The following CCDC171 variants were observed in gnomAD, a reference collection of about 807,000 sequenced individuals.
CCDC171 encodes the protein coiled-coil domain containing 171.
In CCDC171, 177 loss-of-function variants were observed where a neutral mutation model predicts 168.2. The ratio of observed to expected loss-of-function variants is 1.05; its 90% CI spans 0.93 to 1.19. CCDC171 has a LOEUF of 1.19. Ranked by LOEUF, CCDC171 falls within the 50% of genes most tolerant of loss-of-function variation. The pLI is 0.00. For missense variants in CCDC171, 1,991 were observed against 1,539.0 expected (o/e 1.29, Z -4.91); for synonymous variants, 687 against 540.8 (o/e 1.27, Z -3.75).
At chr9:15,587,575 C>T (rs1232691249) in intron 4 of CCDC171, 2 of 453,560 alleles carry the variant, frequency 4.4e-6, no homozygotes, top group Non-Finnish European at 8.9e-6. Context: ...AATACAAAGC[C>T]AGGAGGAAGA....
chr9:15,582,847 G>A (rs1489763503), intron 4 of CCDC171, among the ~76,000 whole-genome samples: 1 of 151,510 alleles, frequency 6.6e-6, no homozygotes, highest in Non-Finnish European at 1.5e-5. Context: ...TGGGTTGATG[G>A]GTACAGTAAA....
chr9:15,830,011 A>G (rs901169013), intron 21 of CCDC171, among the ~76,000 whole-genome samples: 6 of 152,166 alleles, frequency 3.9e-5, no homozygotes, highest in African/African-American at 1.2e-4. Flanking sequence ...ATTACTAATG[A>G]TAATCTGTTT....
chr9:15,928,955 G>T (rs1427561390), intron 25 of CCDC171, among the ~76,000 whole-genome samples: 1 of 151,584 alleles, frequency 6.6e-6, no homozygotes, highest in African/African-American at 2.4e-5. Context: ...AGTTTAAGAA[G>T]ATGCACTTTC....
intron 1 of CCDC171, among the ~76,000 whole-genome samples, chr9:16,047,749 A>T (rs187925886): frequency 6.6e-6 from 1 of 152,208 alleles, no homozygotes; most frequent in East Asian, 1.9e-4. Flanking sequence ...TGCTTCCTCA[A>T]TTGTAGAATA....
intron 9 of CCDC171, among the ~76,000 whole-genome samples, chr9:15,676,550 T>C (rs568990841): frequency 3.4e-4 from 52 of 152,178 alleles, no homozygotes; most frequent in African/African-American, 1.2e-3. Context: ...ACAAGTTGTT[T>C]TTTAGGTTCC....
chr9:15,980,463 A>G (rs1831757154), intron 3 of CCDC171, among the ~76,000 whole-genome samples: 1 of 152,050 alleles, frequency 6.6e-6, no homozygotes, highest in Admixed American at 6.6e-5. Flanking sequence ...TCAGCATCCA[A>G]GTTCTATTTC....
chr9:15,949,653 T>G (rs548894632), intron 25 of CCDC171, among the ~76,000 whole-genome samples: 1 of 152,304 alleles, frequency 6.6e-6, no homozygotes, highest in Non-Finnish European at 1.5e-5. Flanking sequence ...GCACATTGAT[T>G]TTGTATCCAG....
rs544563168 is a variant in CCDC171, at chr9:15,852,127, T to C, written c.3468+3180T>C. 2.0e-5 allele frequency among the ~76,000 whole-genome samples: 3 copies of C among 151,926 alleles called. No homozygotes were observed. In the South Asian group the frequency reaches 6.2e-4, roughly 31 times the overall value. Reference sequence around the variant, plus strand: ...GGAGTGGAACTGCTGGATCAAATAATAATACCATGATAACTTTCTGAGGAA... The same window carrying C: ...GGAGTGGAACTGCTGGATCAAATAACAATACCATGATAACTTTCTGAGGAA... On this transcript the variant is annotated intron_variant, in intron 23 of 25. Transcript: ENST00000380701.
chr9:16,026,966 G>T (rs1429315613), intron 6 of CCDC171, among the ~76,000 whole-genome samples: 1 of 152,118 alleles, frequency 6.6e-6, no homozygotes. Flanking sequence ...ATGCAGCATG[G>T]TCATCTGTTT....
intron 21 of CCDC171, among the ~76,000 whole-genome samples, chr9:15,794,611 A>G (rs1330455560): frequency 6.6e-6 from 1 of 152,238 alleles, no homozygotes; most frequent in Non-Finnish European, 1.5e-5. Context: ...ATAGCAAACT[A>G]TGATTTGTGT....
intron 25 of CCDC171, among the ~76,000 whole-genome samples, chr9:15,950,141 A>G (rs1324183342): frequency 6.6e-6 from 1 of 152,164 alleles, no homozygotes; most frequent in Non-Finnish European, 1.5e-5. Flanking sequence ...GACCAAATCT[A>G]CGTCTGATTG....
At chr9:15,686,413 T>G (rs1193093507) in intron 10 of CCDC171, among the ~76,000 whole-genome samples, 1 of 151,694 alleles carries the variant, frequency 6.6e-6, no homozygotes, top group African/African-American at 2.4e-5. Context: ...AAAGATAATA[T>G]ATGTATCGGG....
intron 21 of CCDC171, among the ~76,000 whole-genome samples, chr9:15,809,598 G>C (rs907693122): frequency 6.6e-6 from 1 of 152,052 alleles, no homozygotes; most frequent in African/African-American, 2.4e-5. Context: ...CAGCTCTTAA[G>C]GCGGCACGTC....
chr9:15,953,210 T>C (rs1829408352), intron 25 of CCDC171, among the ~76,000 whole-genome samples: 2 of 152,206 alleles, frequency 1.3e-5, no homozygotes, highest in African/African-American at 4.8e-5. Flanking sequence ...CTTCCAGTAC[T>C]ATGTTGAATG....
chr9:15,778,491 G>T (rs962145200), intron 19 of CCDC171, among the ~76,000 whole-genome samples: 7 of 151,258 alleles, frequency 4.6e-5, no homozygotes, highest in Non-Finnish European at 1.0e-4. Context: ...ATACAAAAAT[G>T]AGCCAGGGGT....
chr9:15,906,748 C>T (rs370144598), intron 24 of CCDC171, among the ~76,000 whole-genome samples: 53 of 152,180 alleles, frequency 3.5e-4, no homozygotes, highest in African/African-American at 1.2e-3. Flanking sequence ...TGTTTGCAGA[C>T]GACATGATTG....
Position 15,971,846 on chromosome 9 carries a change from A to G in CCDC171, c.*10A>G. 4.4e-6 allele frequency: 7 copies of G among 1,594,722 alleles called. No homozygotes were observed. Among genetic ancestry groups the G allele is most frequent in the Non-Finnish European group, 5.2e-6 (6 of 1,163,068 alleles). ...TCAGATTGGATTATGACTTCATGAA[A>G]TTAAAAAATGGAGGAAGAGTTAACA... is the stretch of plus-strand genomic sequence containing the variant. On this transcript the variant is annotated 3_prime_UTR_variant, in exon 26 of 26. Transcript: ENST00000380701.
chr9:15,728,100 T>C, intron 15 of CCDC171, 64 bp downstream of exon 15: 1 of 1,233,996 alleles, frequency 8.1e-7, no homozygotes, highest in South Asian at 1.6e-5. Flanking sequence ...CATCACAGTA[T>C]CATTAAGAGG....
intron 23 of CCDC171, among the ~76,000 whole-genome samples, chr9:15,855,597 A>G (rs913520550): frequency 6.6e-6 from 1 of 151,868 alleles, no homozygotes; most frequent in African/African-American, 2.4e-5. Context: ...CATGTGTTAT[A>G]TCTGTTTTGT....
Sources: gnomAD v4.1 joint callset for allele counts (sites outside exome capture counted in the v4.1 genomes callset) on GRCh38, gnomAD v4.1.1 for gene constraint, MANE v1.5 for transcripts, NCBI Gene and HGNC (gene_info 2026-07-23, HGNC 2026-07-21) for gene names.